SYT14: variants seen among roughly 807,000 people sequenced by gnomAD.
The protein encoded by SYT14 is synaptotagmin 14, also known as synaptotagmin-14.
SYT14 carries 32 observed loss-of-function variants against 74.2 expected under a neutral mutation model. The observed-to-expected ratio is 0.43, with a 90% CI of 0.33 to 0.58. SYT14 has a LOEUF of 0.58. SYT14 is among the 20% of genes least tolerant of loss of function. SYT14 has a pLI of 0.05. For missense variants in SYT14, 791 were observed against 981.8 expected, an observed-to-expected ratio of 0.81 and a Z score of 2.60; for synonymous variants, 298 against 337.7, an observed-to-expected ratio of 0.88 and a Z score of 1.29.
intron 7 of SYT14, among the ~76,000 whole-genome samples, chr1:210,151,434 G>T (rs2102700264): frequency 6.6e-6 from 1 of 151,350 alleles, no homozygotes; most frequent in African/African-American, 2.4e-5. Flanking sequence ...TGCCCAGGCT[G>T]CTCTAGAACT....
intron 5 of SYT14, among the ~76,000 whole-genome samples, chr1:210,090,365 A>G (rs1390270960): frequency 1.6e-5 from 2 of 126,904 alleles, no homozygotes; most frequent in Non-Finnish European, 3.0e-5. Context: ...TTCCACAGGC[A>G]CTTGAAAAAA....
At chr1:210,031,952 C>A (rs2080545594) in intron 5 of SYT14, among the ~76,000 whole-genome samples, 1 of 152,080 alleles carries the variant, frequency 6.6e-6, no homozygotes, top group Non-Finnish European at 1.5e-5. Flanking sequence ...TCTCTCTTTG[C>A]TATGGACTAC....
intron 2 of SYT14, among the ~76,000 whole-genome samples, chr1:209,985,688 C>G (rs1013840916): frequency 3.9e-5 from 6 of 152,180 alleles, no homozygotes; most frequent in Admixed American, 2.0e-4. Context: ...TTCTGTGAGG[C>G]CTTAATCCCT....
chr1:210,008,168 C>T (rs1244613390), intron 2 of SYT14, among the ~76,000 whole-genome samples: 1 of 152,096 alleles, frequency 6.6e-6, no homozygotes, highest in South Asian at 2.1e-4. Context: ...AAATAATAAG[C>T]ACTTTTTAAG....
chr1:210,005,211 G>A (rs2079968337), intron 2 of SYT14, among the ~76,000 whole-genome samples: 1 of 151,960 alleles, frequency 6.6e-6, no homozygotes, highest in Non-Finnish European at 1.5e-5. Flanking sequence ...TTTAGAGTGA[G>A]CAAACAATGT....
intron 7 of SYT14, among the ~76,000 whole-genome samples, chr1:210,128,793 G>T (rs920707089): frequency 3.9e-5 from 6 of 152,142 alleles, no homozygotes; most frequent in African/African-American, 1.4e-4. Context: ...TAAACAAATT[G>T]CCCAAGTGAT....
intron 2 of SYT14, among the ~76,000 whole-genome samples, chr1:209,970,489 G>A (rs1401724655): frequency 6.6e-6 from 1 of 151,908 alleles, no homozygotes; most frequent in Non-Finnish European, 1.5e-5. Context: ...TTTAAAGTCA[G>A]GTAATGTGAT....
intron 7 of SYT14, among the ~76,000 whole-genome samples, chr1:210,122,566 ATT>A (rs879703677): frequency 2.2e-5 from 3 of 136,528 alleles, no homozygotes; most frequent in Admixed American, 7.2e-5. Context: ...CAGAGAGTTC[ATT>A]TTTTTTTTTT....
intron 5 of SYT14, among the ~76,000 whole-genome samples, chr1:210,031,504 A>G (rs188982019): frequency 1.5e-3 from 232 of 152,254 alleles, no homozygotes; most frequent in African/African-American, 5.5e-3. Context: ...AATTTTTCTC[A>G]TAAATGCTTG....
intron 5 of SYT14, among the ~76,000 whole-genome samples, chr1:210,040,479 G>A (rs1478986590): frequency 6.6e-6 from 1 of 151,422 alleles, no homozygotes; most frequent in Non-Finnish European, 1.5e-5. Context: ...CAACCTTCAC[G>A]TTCTGCACAT....
intron 5 of SYT14, among the ~76,000 whole-genome samples, chr1:210,035,025 A>C (rs1459002541): frequency 6.6e-6 from 1 of 151,842 alleles, no homozygotes; most frequent in Admixed American, 6.6e-5. Flanking sequence ...TGGTAGATCT[A>C]CTTTTAATTG....
At chr1:210,006,141 C>T (rs1021156678) in intron 2 of SYT14, among the ~76,000 whole-genome samples, 1 of 151,910 alleles carries the variant, frequency 6.6e-6, no homozygotes, top group South Asian at 2.1e-4. Flanking sequence ...TTAAGTTACT[C>T]ACCAGTGAAT....
chr1:209,963,378 A>G (rs897471099), intron 2 of SYT14, among the ~76,000 whole-genome samples: 2 of 152,086 alleles, frequency 1.3e-5, no homozygotes, highest in African/African-American at 4.8e-5. Flanking sequence ...TCTCTCTCCT[A>G]AGGTCTTTTC....
chr1:210,008,107 G>C (rs2102902215), intron 2 of SYT14, among the ~76,000 whole-genome samples: 1 of 152,298 alleles, frequency 6.6e-6, no homozygotes, highest in Non-Finnish European at 1.5e-5. Context: ...TATGGTTGCA[G>C]TGAGGATTAA....
At chr1:210,012,523 T>C (rs1295392453) in intron 2 of SYT14, among the ~76,000 whole-genome samples, 1 of 152,042 alleles carries the variant, frequency 6.6e-6, no homozygotes, top group Non-Finnish European at 1.5e-5. Context: ...AGTATAACAT[T>C]TGACTGGAGT....
At chr1:210,029,293 A>AT (rs1252145102) in intron 5 of SYT14, among the ~76,000 whole-genome samples, 2 of 151,748 alleles carry the variant, frequency 1.3e-5, no homozygotes, top group South Asian at 2.1e-4. Context: ...CACTTTTTGT[A>AT]TTTTTTGTTG....
At chr1:210,126,987 T>C (rs2082581696) in intron 7 of SYT14, among the ~76,000 whole-genome samples, 1 of 152,186 alleles carries the variant, frequency 6.6e-6, no homozygotes, top group South Asian at 2.1e-4. Context: ...TTATGTTCCT[T>C]AGTGGATGGG....
rs1056702569 is a variant in SYT14, at chr1:209,955,065, C to A, written c.-486+2309C>A. On this transcript the variant is annotated intron_variant, in intron 2 of 9. Coordinates refer to ENST00000637265, the Ensembl canonical transcript of SYT14. Reference sequence around the variant, plus strand: ...TTCTGTCTCTTTTGCTAGCCTCTCTCCCCTGTCAGACCTCTGATTATATCA... The same window carrying A: ...TTCTGTCTCTTTTGCTAGCCTCTCTACCCTGTCAGACCTCTGATTATATCA... Among the ~76,000 whole-genome samples the A allele has an allele frequency of 3.3e-5, 5 of 152,102 alleles. No homozygotes were observed. The East Asian group carries it at 7.7e-4, about 23-fold the overall frequency.
intron 2 of SYT14, among the ~76,000 whole-genome samples, chr1:210,003,036 T>C (rs1411593466): frequency 6.6e-6 from 1 of 152,174 alleles, no homozygotes; most frequent in Non-Finnish European, 1.5e-5. Flanking sequence ...AAGAAAAGTA[T>C]TTGTATTTTT....
Sources: allele counts gnomAD v4.1 joint callset (sites outside exome capture counted in the v4.1 genomes callset), GRCh38; gene constraint gnomAD v4.1.1; transcripts MANE v1.5; gene names NCBI Gene and HGNC (gene_info 2026-07-23, HGNC 2026-07-21).